CCDC7: variants seen among roughly 807,000 people sequenced by gnomAD.
The protein encoded by CCDC7 is coiled-coil domain containing 7, also known as coiled-coil domain-containing protein 7.
Under a neutral mutation model 196.9 loss-of-function variants are expected in CCDC7, and 183 were observed. The observed-to-expected ratio is 0.93, with a 90% confidence interval of 0.82 to 1.05. The LOEUF is 1.05. CCDC7 is among the 50% of genes least tolerant of loss of function. CCDC7 has a pLI of 0.00. For missense variants in CCDC7, 1,540 were observed against 1,482.2 expected, an observed-to-expected ratio of 1.04 and a Z score of -0.64; for synonymous variants, 525 against 484.6, an observed-to-expected ratio of 1.08 and a Z score of -1.10.
intron 18 of CCDC7, among the ~76,000 whole-genome samples, chr10:32,613,084 T>C (rs1233246814): frequency 1.5e-4 from 23 of 152,204 alleles, no homozygotes; most frequent in Admixed American, 1.5e-3. Context: ...TATTAATTAC[T>C]GCCTCAATTT....
Position 32,511,263 on chromosome 10 carries a change from G to GGGA in CCDC7, c.873-6680_873-6679insAGG, listed in dbSNP as rs1458630781. ...CCACAGAATTATTCTGTGGGGGGCG[G>GGGA]GGGGGGCGGGGAAATGTACTTTTTG... On this transcript the variant is annotated intron_variant, in intron 9 of 41. Coordinates refer to ENST00000639629, the Ensembl canonical transcript of CCDC7. 5.6e-4 allele frequency: 332 copies of GGGA among 591,272 alleles called. 11 individuals are homozygous for GGGA. Among genetic ancestry groups the GGGA allele is most frequent in the Non-Finnish European group, 7.6e-4 (269 of 354,312 alleles). 36.6% of individuals were successfully genotyped at this position (591,272 alleles called of 1,614,324 possible).
intron 16 of CCDC7, among the ~76,000 whole-genome samples, chr10:32,580,655 T>C (rs1215217257): frequency 6.6e-6 from 1 of 152,096 alleles, no homozygotes; most frequent in East Asian, 1.9e-4. Flanking sequence ...TTGTTGCAGA[T>C]AAGAATATCA....
chr10:32,759,251 T>G (rs2077009493), intron 28 of CCDC7, among the ~76,000 whole-genome samples: 1 of 152,190 alleles, frequency 6.6e-6, no homozygotes, highest in South Asian at 2.1e-4. Flanking sequence ...TACTTTAAAG[T>G]TCATATGGAA....
chr10:32,882,472 T>C (rs568785505), intron 22 of CCDC7, among the ~76,000 whole-genome samples: 92 of 152,220 alleles, frequency 6.0e-4, no homozygotes, highest in Admixed American at 1.2e-3. Context: ...GAGGGAGTCA[T>C]TGTCAATGTT....
At chr10:32,543,467 A>G (rs1415167664) in intron 12 of CCDC7, 82 bp downstream of exon 13, 1 of 1,138,968 alleles carries the variant, frequency 8.8e-7, no homozygotes, top group Non-Finnish European at 1.1e-6. Context: ...AAAGTCAAAT[A>G]AACATAACTT....
chr10:32,743,669 G>T (rs889726959), intron 28 of CCDC7, among the ~76,000 whole-genome samples: 3 of 152,028 alleles, frequency 2.0e-5, no homozygotes, highest in African/African-American at 4.8e-5. Flanking sequence ...AAATGATACT[G>T]CTATAAAGAC....
chr10:32,752,236 G>T (rs901376014), intron 28 of CCDC7, among the ~76,000 whole-genome samples: 1 of 137,372 alleles, frequency 7.3e-6, no homozygotes, highest in African/African-American at 3.6e-5. Flanking sequence ...AGTATTTATA[G>T]CCCTCTAATT....
At chr10:32,728,190 T>G (rs1380072107) in intron 26 of CCDC7, among the ~76,000 whole-genome samples, 2 of 152,158 alleles carry the variant, frequency 1.3e-5, no homozygotes, top group Admixed American at 6.6e-5. Flanking sequence ...TTTTTCTCAT[T>G]AAGTTTAAGA....
chr10:32,625,223 T>C (rs1218117914), intron 18 of CCDC7, among the ~76,000 whole-genome samples: 1 of 151,640 alleles, frequency 6.6e-6, no homozygotes, highest in Non-Finnish European at 1.5e-5. Flanking sequence ...ATTTTTTGCA[T>C]GTGGATATCC....
At chr10:32,698,397 A>T (rs772435056) in intron 24 of CCDC7, among the ~76,000 whole-genome samples, 1 of 152,108 alleles carries the variant, frequency 6.6e-6, no homozygotes, top group Admixed American at 6.5e-5. Context: ...GTAATAATAA[A>T]CTTCTCTGAG....
intron 31 of CCDC7, among the ~76,000 whole-genome samples, chr10:32,821,196 C>T (rs12220460): frequency 0.089 from 13,508 of 152,224 alleles, 868 homozygotes; most frequent in East Asian, 0.33. Context: ...ATGCAGCCAA[C>T]GGACACATGA....
At chr10:32,882,484 A>G (rs960229006) in intron 22 of CCDC7, among the ~76,000 whole-genome samples, 11 of 152,172 alleles carry the variant, frequency 7.2e-5, no homozygotes, top group Non-Finnish European at 1.6e-4. Context: ...GTCAATGTTC[A>G]GCTAAAAAGA....
chr10:32,756,669 C>A (rs1006469359), intron 28 of CCDC7, among the ~76,000 whole-genome samples: 1 of 152,190 alleles, frequency 6.6e-6, no homozygotes, highest in Non-Finnish European at 1.5e-5. Context: ...TAAAGACCAT[C>A]GATGCTAGGA....
At chr10:32,696,204 A>G (rs199814876) in intron 24 of CCDC7, among the ~76,000 whole-genome samples, 8 of 152,148 alleles carry the variant, frequency 5.3e-5, no homozygotes, top group African/African-American at 1.9e-4. Flanking sequence ...AATGGGTTCC[A>G]TAATGATGGA....
intron 9 of CCDC7, among the ~76,000 whole-genome samples, chr10:32,507,871 A>C (rs561601645): frequency 9.2e-4 from 140 of 152,318 alleles, no homozygotes; most frequent in African/African-American, 3.1e-3. Flanking sequence ...TATACAAGGA[A>C]TTTTCCCCAC....
chr10:32,827,959 A>G (rs1167374897), intron 32 of CCDC7, among the ~76,000 whole-genome samples: 1 of 152,136 alleles, frequency 6.6e-6, no homozygotes, highest in East Asian at 1.9e-4. Flanking sequence ...CCATCTTTTA[A>G]GTCCTGAAAA....
chr10:32,630,542 G>A (rs945384913), intron 18 of CCDC7, among the ~76,000 whole-genome samples: 1 of 151,930 alleles, frequency 6.6e-6, no homozygotes, highest in Non-Finnish European at 1.5e-5. Context: ...TAGAGCTAAA[G>A]AGACAGACAG....
At chr10:32,680,831 A>G (rs921131782) in intron 21 of CCDC7, among the ~76,000 whole-genome samples, 1 of 152,318 alleles carries the variant, frequency 6.6e-6, no homozygotes, top group African/African-American at 2.4e-5. Context: ...TAATGGGGAC[A>G]TAAGGACCTG....
At chr10:32,590,973 T>G (rs1017952525) in intron 18 of CCDC7, among the ~76,000 whole-genome samples, 1 of 152,168 alleles carries the variant, frequency 6.6e-6, no homozygotes, top group Non-Finnish European at 1.5e-5. Context: ...TTTCTTTGGG[T>G]TAAATCTGTT....
Sources: gnomAD v4.1 joint callset for allele counts (sites outside exome capture counted in the v4.1 genomes callset) on GRCh38, gnomAD v4.1.1 for gene constraint, MANE v1.5 for transcripts, NCBI Gene and HGNC (gene_info 2026-07-23, HGNC 2026-07-21) for gene names.